MYCBP2: variants seen among roughly 807,000 people sequenced by gnomAD.
The protein encoded by MYCBP2 is MYC binding protein 2.
MYCBP2 carries 120 observed loss-of-function variants against 525.3 expected under a neutral mutation model. The ratio of observed to expected loss-of-function variants is 0.23; its 90% CI spans 0.20 to 0.27. The LOEUF (loss-of-function observed/expected upper bound fraction) is 0.27, where lower values mean the gene tolerates loss of function less well. MYCBP2 is among the 10% of genes least tolerant of loss of function. MYCBP2 has a pLI of 1.00. For synonymous variants in MYCBP2, 1,894 were observed against 1,955.8 expected, an observed-to-expected ratio of 0.97 and a Z score of 0.83; for missense variants, 4,149 against 5,657.1, an observed-to-expected ratio of 0.73 and a Z score of 8.55.
intron 3 of MYCBP2, among the ~76,000 whole-genome samples, chr13:77,281,238 T>C (rs1456676382): frequency 6.6e-6 from 1 of 152,164 alleles, no homozygotes; most frequent in Admixed American, 6.5e-5. Flanking sequence ...TAAAAAACAT[T>C]TTAATGTGTA....
Position 77,066,075 on chromosome 13 carries a change from C to G in MYCBP2, c.12469G>C (p.Gly4157Arg). 6.2e-7 allele frequency: 1 copy of G among 1,611,826 alleles called. No individual in the cohort carries two copies. The highest frequency in any genetic ancestry group is 8.5e-7 in the Non-Finnish European group (1 of 1,178,536). The change falls in exon 72 of 83, where the codon GGT becomes CGT. Residue 4157 changes from glycine to arginine, a missense_variant. This residue lies in a region of MYCBP2 where 148 missense variants were observed against 179.4 expected (regional missense o/e 0.82). Coordinates refer to ENST00000544440, the MANE Select transcript of MYCBP2 (RefSeq NM_015057.5). ...MIFNSSYLRR[G>R]ESHWWMKGST... is the part of the protein sequence containing the mutation. ...CCCTTCATCCACCAATGACTTTCACCTCGTCGGAGATAACTACAAGAAAAA... is the reference window on the plus strand; with the variant it reads ...CCCTTCATCCACCAATGACTTTCACGTCGTCGGAGATAACTACAAGAAAAA...
intron 21 of MYCBP2, among the ~76,000 whole-genome samples, chr13:77,215,938 T>C (rs965593090): frequency 3.9e-5 from 6 of 152,120 alleles, no homozygotes; most frequent in Non-Finnish European, 8.8e-5. Flanking sequence ...ATACCAGAGA[T>C]CCAAAGACGT....
At chr13:77,148,553 T>C (rs1305866971) in intron 47 of MYCBP2, among the ~76,000 whole-genome samples, 1 of 152,124 alleles carries the variant, frequency 6.6e-6, no homozygotes, top group Non-Finnish European at 1.5e-5. Context: ...GGTTCCACTG[T>C]CCTCTCTTTA....
At chr13:77,277,018 T>C (rs1045761823) in intron 4 of MYCBP2, among the ~76,000 whole-genome samples, 41 of 152,026 alleles carry the variant, frequency 2.7e-4, no homozygotes, top group African/African-American at 9.7e-4. Context: ...AAAGCCAGTA[T>C]TAAGAACAAG....
intron 79 of MYCBP2, among the ~76,000 whole-genome samples, chr13:77,056,160 T>TGTGTG (rs2038002483): frequency 1.2e-5 from 1 of 84,942 alleles, no homozygotes; most frequent in African/African-American, 4.2e-5. Flanking sequence ...GTGTGTGTGT[T>TGTGTG]TTGCTTCCTT....
At chr13:77,315,341 A>C (rs1391749728) in intron 1 of MYCBP2, among the ~76,000 whole-genome samples, 1 of 152,198 alleles carries the variant, frequency 6.6e-6, no homozygotes, top group African/African-American at 2.4e-5. Flanking sequence ...CAGGATTAGC[A>C]AGAAAAGAAA....
chr13:77,215,405 T>C (rs763721811), intron 21 of MYCBP2, among the ~76,000 whole-genome samples: 3 of 152,072 alleles, frequency 2.0e-5, no homozygotes, highest in Non-Finnish European at 4.4e-5. Context: ...TTTTTGAACT[T>C]GTACAGGCAA....
At position 77,188,976 on chromosome 13, in the gene MYCBP2, C is replaced by T; in HGVS notation, c.4226G>A (p.Arg1409Lys). Residue 1409 changes from arginine (R) to lysine (K), a missense_variant, in exon 30 of 83, where the codon AGG becomes AAG. By Grantham distance (26) the Arg-to-Lys change is conservative (BLOSUM62 2). Transcript: ENST00000544440. ...CACTGAGACAGTTCTTGCAAAAGAC[C>T]TCTTTAAAATGTGTACAGGTTCACT... ...QTSEPVHILK[R>K]SFARTVSVEC... The T allele has an allele frequency of 6.2e-7, 1 of 1,603,750 alleles. No homozygotes were observed.
At chr13:77,115,337 C>T (rs1281691555) in intron 55 of MYCBP2, among the ~76,000 whole-genome samples, 1 of 151,782 alleles carries the variant, frequency 6.6e-6, no homozygotes, top group Non-Finnish European at 1.5e-5. Flanking sequence ...AAATTGCTTA[C>T]CAATTCTAAA....
At chr13:77,059,225 T>A (rs920585528) in intron 77 of MYCBP2, among the ~76,000 whole-genome samples, 5 of 152,162 alleles carry the variant, frequency 3.3e-5, no homozygotes, top group African/African-American at 9.7e-5. Context: ...AAGTGAATAA[T>A]GTCTGTAAGA....
chr13:77,169,547 C>T (rs1158534148), intron 39 of MYCBP2, 67 bp downstream of exon 39: 1 of 1,393,452 alleles, frequency 7.2e-7, no homozygotes, highest in Non-Finnish European at 1.0e-6. Context: ...AAAGACAAGA[C>T]ACAAAGTCTT....
intron 8 of MYCBP2, among the ~76,000 whole-genome samples, chr13:77,264,813 C>T (rs1384823715): frequency 6.6e-6 from 1 of 151,788 alleles, no homozygotes; most frequent in East Asian, 1.9e-4. Context: ...AAATCAACAT[C>T]AAGGATAAAT....
intron 3 of MYCBP2, among the ~76,000 whole-genome samples, chr13:77,287,077 C>T (rs1424706231): frequency 2.6e-4 from 39 of 150,692 alleles, no homozygotes; most frequent in African/African-American, 4.6e-4. Flanking sequence ...TTAGTACAGA[C>T]GGGGTTTCAC....
chr13:77,056,075 A>T (rs1036962507), intron 79 of MYCBP2, among the ~76,000 whole-genome samples: 3 of 150,722 alleles, frequency 2.0e-5, no homozygotes, highest in Admixed American at 6.6e-5. Flanking sequence ...CCTTGTTGCC[A>T]CAAATAAGAC....
chr13:77,215,277 G>A (rs1214302840), intron 21 of MYCBP2, among the ~76,000 whole-genome samples: 1 of 152,150 alleles, frequency 6.6e-6, no homozygotes, highest in East Asian at 1.9e-4. Context: ...TCCACTGAAA[G>A]GAGTGAGAGA....
At chr13:77,309,607 A>T (rs555377387) in intron 1 of MYCBP2, among the ~76,000 whole-genome samples, 6 of 152,248 alleles carry the variant, frequency 3.9e-5, no homozygotes, top group African/African-American at 1.4e-4. Context: ...TGCACTTGAG[A>T]TCTAGTCACC....
rs1486083861 is a variant in MYCBP2, at chr13:77,106,304, A to C, written c.8141-7291T>G. On this transcript the variant is annotated intron_variant, in intron 55 of 82. Transcript: ENST00000544440. ...ATTTTTTAAAAGGATAATTTTTAGC[A>C]TTAAATTCAGTTTGGTGTTCAATTT... 2.6e-5 allele frequency among the ~76,000 whole-genome samples: 4 copies of C among 152,182 alleles called. No individual in the cohort carries two copies. The South Asian group carries it at 8.3e-4, about 31-fold the overall frequency.
chr13:77,178,532 G>A (rs1216205988), intron 34 of MYCBP2, among the ~76,000 whole-genome samples: 1 of 152,176 alleles, frequency 6.6e-6, no homozygotes, highest in South Asian at 2.1e-4. Flanking sequence ...ATTTGAATAC[G>A]TACACATACA....
chr13:77,291,114 G>A (rs984241923), intron 2 of MYCBP2, among the ~76,000 whole-genome samples: 1 of 152,046 alleles, frequency 6.6e-6, no homozygotes, highest in Non-Finnish European at 1.5e-5. Flanking sequence ...CACAGAACAG[G>A]AGAAATGTAT....
Sources: gnomAD v4.1 joint callset for allele counts (sites outside exome capture counted in the v4.1 genomes callset) on GRCh38, gnomAD v4.1.1 for gene constraint, gnomAD v4.1.1 regional missense constraint, MANE v1.5 for transcripts, NCBI Gene and HGNC (gene_info 2026-07-23, HGNC 2026-07-21) for gene names.